The following MEIS2 variants were observed in gnomAD, a reference collection of about 807,000 sequenced individuals.
MEIS2 encodes the protein homeobox protein Meis2.
A neutral mutation model predicts 58.6 loss-of-function variants in MEIS2; 9 were observed. The ratio of observed to expected loss-of-function variants is 0.15; its 90% CI spans 0.09 to 0.27. The LOEUF is 0.27. Ranked by LOEUF, MEIS2 falls within the 10% of genes least tolerant of loss-of-function variation. The pLI is 1.00. For missense variants in MEIS2, 427 were observed against 635.0 expected (o/e 0.67, Z 3.52); for synonymous variants, 221 against 228.4 (o/e 0.97, Z 0.29).
intron 9 of MEIS2, among the ~76,000 whole-genome samples, chr15:36,939,585 T>C (rs948042363): frequency 6.6e-6 from 1 of 152,164 alleles, no homozygotes; most frequent in African/African-American, 2.4e-5. Context: ...ACTGGTGTTA[T>C]TGGGAAAATC....
rs1462096924 is a variant in MEIS2 at position 36,889,715 on chromosome 15, T to G, written c.*2458A>C. 6.6e-6 allele frequency: 1 copy of G among 152,116 alleles called. No individual in the cohort carries two copies. Among genetic ancestry groups the G allele is most frequent in the East Asian group, 1.9e-4 (1 of 5,196 alleles). 9.4% of individuals were successfully genotyped at this position (152,116 alleles called of 1,614,324 possible). On this transcript the variant is annotated 3_prime_UTR_variant, in exon 12 of 12. Coordinates refer to ENST00000561208, the MANE Select transcript of MEIS2 (RefSeq NM_170675.5). ...TTTACTGAGTGGAAAGAAAAAAAGG[T>G]TCTTTTTCCCACCTGATGTGAGAGT...
intron 8 of MEIS2, among the ~76,000 whole-genome samples, chr15:36,974,931 G>C (rs775417148): frequency 6.6e-6 from 1 of 151,920 alleles, no homozygotes; most frequent in Non-Finnish European, 1.5e-5. Context: ...GAGAAGAGTC[G>C]GTCTCATATT....
intron 9 of MEIS2, among the ~76,000 whole-genome samples, chr15:36,917,063 T>A (rs191633888): frequency 6.6e-5 from 10 of 152,272 alleles, no homozygotes; most frequent in African/African-American, 2.4e-4. Context: ...AAATTAGGAA[T>A]ATTTAGGGTT....
intron 9 of MEIS2, among the ~76,000 whole-genome samples, chr15:36,909,143 C>A (rs181090263): frequency 6.6e-6 from 1 of 152,234 alleles, no homozygotes; most frequent in East Asian, 1.9e-4. Flanking sequence ...GGCCATCTGG[C>A]TAACACACCC....
chr15:37,068,746 T>C (rs1890293689), intron 7 of MEIS2, among the ~76,000 whole-genome samples: 1 of 152,230 alleles, frequency 6.6e-6, no homozygotes, highest in Admixed American at 6.5e-5. Flanking sequence ...AAAATCTTTT[T>C]TTTTTAGGAG....
chr15:36,938,539 C>T (rs1409486204), intron 9 of MEIS2, among the ~76,000 whole-genome samples: 2 of 152,114 alleles, frequency 1.3e-5, no homozygotes, highest in Non-Finnish European at 1.5e-5. Flanking sequence ...GAGATAAAAT[C>T]GGTTTCTTTT....
chr15:36,966,956 G>A (rs1309727845), intron 8 of MEIS2, among the ~76,000 whole-genome samples: 1 of 152,170 alleles, frequency 6.6e-6, no homozygotes, highest in East Asian at 1.9e-4. Context: ...GAAGGATGGG[G>A]GCTGGAGAAG....
intron 7 of MEIS2, among the ~76,000 whole-genome samples, chr15:37,056,678 A>G (rs1888467126): frequency 1.3e-5 from 2 of 152,152 alleles, no homozygotes; most frequent in Admixed American, 1.3e-4. Context: ...AGCTCACTAA[A>G]AACCTAATTC....
intron 9 of MEIS2, among the ~76,000 whole-genome samples, chr15:36,927,513 A>G (rs1029748248): frequency 6.6e-6 from 1 of 152,188 alleles, no homozygotes; most frequent in South Asian, 2.1e-4. Context: ...TCATCTTCAG[A>G]CCTTGTTAAT....
chr15:36,911,401 A>G (rs1467358729), intron 9 of MEIS2, among the ~76,000 whole-genome samples: 1 of 152,116 alleles, frequency 6.6e-6, no homozygotes, highest in Admixed American at 6.5e-5. Flanking sequence ...GTGGCCATCT[A>G]ACTTTAGCAT....
chr15:36,899,505 T>G (rs1038637286), intron 9 of MEIS2, among the ~76,000 whole-genome samples: 1 of 152,212 alleles, frequency 6.6e-6, no homozygotes, highest in Non-Finnish European at 1.5e-5. Context: ...AGATGAAATT[T>G]CCATATATGG....
At chr15:36,908,308 AATAT>A (rs1429421396) in intron 9 of MEIS2, among the ~76,000 whole-genome samples, 3 of 152,178 alleles carry the variant, frequency 2.0e-5, no homozygotes, top group African/African-American at 7.2e-5. Context: ...AAAGACATAA[AATAT>A]ATCTTTATAA....
chr15:37,002,356 T>C (rs1033358831), intron 8 of MEIS2, among the ~76,000 whole-genome samples: 17 of 151,110 alleles, frequency 1.1e-4, no homozygotes, highest in African/African-American at 3.9e-4. Context: ...GGAAGTAATC[T>C]TTCCTTCCTC....
chr15:36,944,231 G>A (rs888132590), intron 9 of MEIS2, among the ~76,000 whole-genome samples: 1 of 152,028 alleles, frequency 6.6e-6, no homozygotes, highest in Admixed American at 6.6e-5. Context: ...ATTTCAGGGC[G>A]ATCCCTCTGG....
At chr15:37,026,470 A>G (rs1320981528) in intron 8 of MEIS2, among the ~76,000 whole-genome samples, 1 of 152,242 alleles carries the variant, frequency 6.6e-6, no homozygotes, top group Non-Finnish European at 1.5e-5. Flanking sequence ...TTGCAGGAGA[A>G]TGATGCAAGA....
Position 36,950,363 on chromosome 15 carries a change from G to A in MEIS2, c.938C>T (p.Ala313Val), listed in dbSNP as rs1275580589. 1.2e-6 allele frequency: 2 copies of A among 1,612,806 alleles called. No homozygotes were observed. The highest frequency in any genetic ancestry group is 8.5e-7 in the Non-Finnish European group (1 of 1,179,100). The change falls in exon 9 of 12, where the codon GCG becomes GTG. Residue 313 changes from alanine (A) to valine (V), a missense_variant. This residue lies in a region of MEIS2 where 13 missense variants were observed against 55.2 expected (regional missense o/e 0.24). Coordinates refer to ENST00000561208, the MANE Select transcript of MEIS2 (RefSeq NM_170675.5). ...GAGAATTGTAAGTCCTGTGTCTTGC[G>A]CTAACTGTTTCTTCTGCTCTTCGGA... is the stretch of plus-strand genomic sequence containing the variant. ...YPSEEQKKQLAQDTGLTILQV... is the reference protein window; with the variant it reads ...YPSEEQKKQLVQDTGLTILQV...
At chr15:37,007,002 C>T (rs942752778) in intron 8 of MEIS2, among the ~76,000 whole-genome samples, 3 of 152,146 alleles carry the variant, frequency 2.0e-5, no homozygotes, top group Admixed American at 2.0e-4. Context: ...CTGAGTAAGT[C>T]TAGACGAATA....
At chr15:36,986,905 A>T (rs1289258564) in intron 8 of MEIS2, among the ~76,000 whole-genome samples, 1 of 152,206 alleles carries the variant, frequency 6.6e-6, no homozygotes, top group Non-Finnish European at 1.5e-5. Flanking sequence ...TGTAACTATT[A>T]CACAGGATGC....
chr15:37,030,153 C>T (rs1213832786), intron 8 of MEIS2, among the ~76,000 whole-genome samples: 3 of 152,076 alleles, frequency 2.0e-5, no homozygotes, highest in African/African-American at 7.2e-5. Flanking sequence ...CAAAAGTAGC[C>T]CCATTGGAGA....
Sources: gnomAD v4.1 joint callset for allele counts (sites outside exome capture counted in the v4.1 genomes callset) on GRCh38, gnomAD v4.1.1 for gene constraint, gnomAD v4.1.1 regional missense constraint, MANE v1.5 for transcripts, NCBI Gene and HGNC (gene_info 2026-07-23, HGNC 2026-07-21) for gene names.